The following CUX1 variants were observed in gnomAD, a reference collection of about 807,000 sequenced individuals.
CUX1 encodes protein CASP.
A neutral mutation model predicts 158.8 loss-of-function variants in CUX1; 31 were observed. That is an observed-to-expected ratio of 0.20 (90% CI 0.15 to 0.26). CUX1 has a LOEUF of 0.26. Among genes scored for constraint, CUX1 ranks in the 10% least tolerant of loss-of-function variants. CUX1 has a pLI of 1.00. For synonymous variants in CUX1, 879 were observed against 862.1 expected (o/e 1.02, Z -0.34); for missense variants, 1,589 against 2,014.6 (o/e 0.79, Z 4.04).
In CUX1 at chr7:102,249,643, A is replaced by C. The variant is rs1482802054; in HGVS notation, c.*601A>C. On this transcript the variant is annotated 3_prime_UTR_variant, in exon 24 of 24. Transcript: ENST00000292535. ...GCCATCTAATGGCTTCAGAGCGATA[A>C]TACACTATTATCTTCTTAAACCAGG... is the stretch of plus-strand genomic sequence containing the variant. 3.0e-6 allele frequency: 3 copies of C among 985,546 alleles called. No individual in the cohort carries two copies. The highest frequency in any genetic ancestry group is 3.6e-6 in the Non-Finnish European group (3 of 829,922). The allele number at this position is 985,546 out of a possible 1,614,324, so 61.1% of individuals were successfully genotyped here.
intron 1 of CUX1, among the ~76,000 whole-genome samples, chr7:101,909,110 G>A (rs545264055): frequency 6.6e-6 from 1 of 152,098 alleles, no homozygotes; most frequent in East Asian, 1.9e-4. Flanking sequence ...GGTTTGGTAG[G>A]CTGAGGCGGG....
chr7:102,189,377 CT>C lies in CUX1; in HGVS notation c.1018-418del, dbSNP rs782037789. Among the ~76,000 whole-genome samples the C allele has an allele frequency of 3.3e-3, 324 of 96,824 alleles. 1 individual carries two copies. The highest frequency in any genetic ancestry group is 0.014 in the Middle Eastern group (2 of 138). The allele number at this position is 96,824 out of a possible 152,430, so 63.5% of individuals were successfully genotyped here. A position where few individuals can be genotyped will look rare whatever the true frequency, so the allele number is the denominator to read the frequency against. On this transcript the variant is annotated intron_variant, in intron 11 of 23. Coordinates refer to ENST00000292535, the MANE Select transcript of CUX1 (RefSeq NM_181552.4). ...TTTTTTTTGGGTGCGGGGGGGGATG[CT>C]TTTTTTTTTTTTTTTTTAAAAAAAA...
chr7:102,084,700 G>A (rs1394606441), intron 4 of CUX1, among the ~76,000 whole-genome samples: 8 of 117,804 alleles, frequency 6.8e-5, no homozygotes, highest in Non-Finnish European at 1.5e-4. Context: ...TGGGATTACA[G>A]GTGTGAGCCA....
chr7:102,060,741 T>C (rs979545275), intron 3 of CUX1, among the ~76,000 whole-genome samples: 6 of 151,186 alleles, frequency 4.0e-5, no homozygotes, highest in Non-Finnish European at 7.4e-5. Context: ...GCCTCCCAAA[T>C]AGCTGGGATT....
intron 5 of CUX1, among the ~76,000 whole-genome samples, chr7:102,103,022 T>C (rs782706404): frequency 5.3e-5 from 8 of 152,158 alleles, no homozygotes; most frequent in Non-Finnish European, 1.0e-4. Context: ...TATTCCCCAT[T>C]TGGGCAGTTG....
intron 3 of CUX1, among the ~76,000 whole-genome samples, chr7:102,035,317 C>T (rs770657178): frequency 1.4e-4 from 22 of 152,118 alleles, no homozygotes; most frequent in Admixed American, 3.3e-4. Context: ...ATTACATGAG[C>T]TGGTGAATAC....
intron 6 of CUX1, among the ~76,000 whole-genome samples, chr7:102,106,316 T>C (rs1349646124): frequency 3.9e-5 from 6 of 152,044 alleles, no homozygotes; most frequent in African/African-American, 1.4e-4. Flanking sequence ...TCTCGATCTC[T>C]TGACCTTGTG....
chr7:101,942,835 G>T (rs1407662130), intron 2 of CUX1, among the ~76,000 whole-genome samples: 1 of 152,216 alleles, frequency 6.6e-6, no homozygotes, highest in East Asian at 1.9e-4. Context: ...CCAGCTCTTG[G>T]TGCCTGGGGT....
At chr7:101,943,078 CTTTT>C (rs58332486) in intron 2 of CUX1, among the ~76,000 whole-genome samples, 2 of 80,326 alleles carry the variant, frequency 2.5e-5, no homozygotes, top group East Asian at 4.0e-4. Flanking sequence ...CTGGTCAGTG[CTTTT>C]TTTTTTTTTT....
intron 1 of CUX1, chr7:101,913,254 C>G (rs1401847122): frequency 3.2e-6 from 2 of 631,392 alleles, no homozygotes; most frequent in Non-Finnish European, 2.4e-6. Flanking sequence ...CCTCGCTGTG[C>G]CAATCTGTTT....
chr7:102,037,598 C>A lies in CUX1; in HGVS notation c.189+9453C>A, dbSNP rs1821587294. ...AACTCCCAACCTCATGTGATCCACCCACCTCGGCTTCCCAAAATGCTGGGA... is the reference window on the plus strand; with the variant it reads ...AACTCCCAACCTCATGTGATCCACCAACCTCGGCTTCCCAAAATGCTGGGA... On this transcript the variant is annotated intron_variant, in intron 3 of 23. Transcript: ENST00000292535. 5.3e-5 allele frequency among the ~76,000 whole-genome samples: 8 copies of A among 151,196 alleles called. No individual in the cohort carries two copies. The South Asian group carries it at 1.5e-3, about 28-fold the overall frequency.
At chr7:102,228,823 T>G (rs1554529604) in intron 21 of CUX1, among the ~76,000 whole-genome samples, 1 of 152,066 alleles carries the variant, frequency 6.6e-6, no homozygotes, top group Non-Finnish European at 1.5e-5. Flanking sequence ...TAGACACCCA[T>G]TAGAGCCTGG....
intron 2 of CUX1, among the ~76,000 whole-genome samples, chr7:102,016,140 G>A (rs1818556350): frequency 6.6e-6 from 1 of 152,246 alleles, no homozygotes; most frequent in African/African-American, 2.4e-5. Flanking sequence ...TAGAGATGGG[G>A]TCTGGTTATG....
At chr7:102,225,645 C>T (rs576886847) in intron 20 of CUX1, among the ~76,000 whole-genome samples, 89 of 152,306 alleles carry the variant, frequency 5.8e-4, no homozygotes, top group Non-Finnish European at 1.0e-3. Flanking sequence ...GGGAGGATCA[C>T]TTGAGGCCAG....
intron 3 of CUX1, among the ~76,000 whole-genome samples, chr7:102,044,618 A>G (rs1184210575): frequency 1.3e-5 from 2 of 152,068 alleles, no homozygotes; most frequent in East Asian, 3.8e-4. Context: ...TGCTTTATCT[A>G]TTCTTTGCCT....
chr7:101,898,793 G>A (rs1485881339), intron 1 of CUX1, among the ~76,000 whole-genome samples: 1 of 152,118 alleles, frequency 6.6e-6, no homozygotes, highest in Non-Finnish European at 1.5e-5. Context: ...GTTTTGCCAT[G>A]TTGGCCAGGC....
chr7:101,839,102 G>A (rs2131132342), intron 1 of CUX1, among the ~76,000 whole-genome samples: 1 of 152,304 alleles, frequency 6.6e-6, no homozygotes, highest in East Asian at 1.9e-4. Context: ...CCCATCATGA[G>A]GGCTTTACCC....
At chr7:102,021,345 G>A (rs1187762945) in intron 2 of CUX1, among the ~76,000 whole-genome samples, 1 of 152,036 alleles carries the variant, frequency 6.6e-6, no homozygotes, top group Non-Finnish European at 1.5e-5. Flanking sequence ...GTCTTGCTCT[G>A]TCACCCAGGC....
At chr7:102,267,225 C>G (rs1452423590) in intron 14 of CUX1, among the ~76,000 whole-genome samples, 1 of 151,336 alleles carries the variant, frequency 6.6e-6, no homozygotes, top group Non-Finnish European at 1.5e-5. Context: ...TCCTACCTGG[C>G]CTGCAAGTGA....
Sources: gnomAD v4.1 joint callset for allele counts (sites outside exome capture counted in the v4.1 genomes callset) on GRCh38, gnomAD v4.1.1 for gene constraint, MANE v1.5 for transcripts, NCBI Gene and HGNC (gene_info 2026-07-23, HGNC 2026-07-21) for gene names.